Variants in RIMS2 observed in about 807,000 individuals in gnomAD.
RIMS2 encodes the protein regulating synaptic membrane exocytosis 2, also known as regulating synaptic membrane exocytosis protein 2.
In RIMS2, 59 loss-of-function variants were observed where a neutral mutation model predicts 174.4. The observed-to-expected ratio is 0.34, with a 90% CI of 0.27 to 0.42. The LOEUF is 0.42. RIMS2 is among the 10% of genes least tolerant of loss of function. The pLI is 1.00. For missense variants in RIMS2, 1,620 were observed against 1,666.3 expected, an observed-to-expected ratio of 0.97 and a Z score of 0.48; for synonymous variants, 606 against 572.5, an observed-to-expected ratio of 1.06 and a Z score of -0.84.
intron 1 of RIMS2, among the ~76,000 whole-genome samples, chr8:103,581,565 A>G (rs1347182125): frequency 6.6e-6 from 1 of 152,216 alleles, no homozygotes; most frequent in Non-Finnish European, 1.5e-5. Context: ...GATGCGGAAC[A>G]AGACAAGGAT....
intron 3 of RIMS2, among the ~76,000 whole-genome samples, chr8:103,842,375 TATA>T (rs1471745514): frequency 2.6e-5 from 4 of 152,172 alleles, no homozygotes; most frequent in Non-Finnish European, 5.9e-5. Flanking sequence ...CTTTGGGCGT[TATA>T]ATTTTAAATA....
At chr8:103,944,734 C>T (rs568577116) in intron 14 of RIMS2, among the ~76,000 whole-genome samples, 1 of 151,940 alleles carries the variant, frequency 6.6e-6, no homozygotes, top group African/African-American at 2.4e-5. Flanking sequence ...TTAAACTTAC[C>T]CATGGGTAAT....
At chr8:103,842,867 G>T (rs1191265995) in intron 3 of RIMS2, among the ~76,000 whole-genome samples, 3 of 152,232 alleles carry the variant, frequency 2.0e-5, no homozygotes, top group African/African-American at 7.2e-5. Flanking sequence ...AGAAGTCCAA[G>T]ATCAACGTGT....
chr8:103,993,301 A>C (rs1165406434), intron 17 of RIMS2, among the ~76,000 whole-genome samples: 1 of 152,210 alleles, frequency 6.6e-6, no homozygotes, highest in African/African-American at 2.4e-5. Context: ...TTTTAGCATC[A>C]TAAGAATACA....
In RIMS2 at chr8:103,842,795, A is replaced by G. The variant is rs920722143; in HGVS notation, c.699-42503A>G. On this transcript the variant is annotated intron_variant, in intron 3 of 23. Coordinates refer to ENST00000504942, the Ensembl canonical transcript of RIMS2. ...TTAGTTTGCTAGGGCTGCCACAACA[A>G]AGTGTACCATAAACTGGGTGGCTTA... Among the ~76,000 whole-genome samples the G allele has an allele frequency of 1.1e-4, 17 of 152,212 alleles. 1 individual carries two copies. The highest frequency in any genetic ancestry group is 6.5e-5 in the Admixed American group (1 of 15,276).
At chr8:103,739,881 GTTTC>G (rs2097738953) in intron 2 of RIMS2, among the ~76,000 whole-genome samples, 1 of 152,096 alleles carries the variant, frequency 6.6e-6, no homozygotes, top group African/African-American at 2.4e-5. Flanking sequence ...TGGCTAGTCT[GTTTC>G]TTTGTACCAT....
chr8:103,753,865 T>G (rs1430754954), intron 2 of RIMS2, among the ~76,000 whole-genome samples: 1 of 152,190 alleles, frequency 6.6e-6, no homozygotes, highest in African/African-American at 2.4e-5. Context: ...TTTGTCAATC[T>G]TTTAAAAACA....
chr8:103,886,131 C>T (rs2099199399), exon 4 of RIMS2: 2 of 1,612,826 alleles, frequency 1.2e-6, no homozygotes, highest in Admixed American at 1.7e-5. Context: ...CGCCAGATTT[C>T]GTTGAGCAGT....
At chr8:104,119,169 AC>A (rs1399019667) in intron 19 of RIMS2, among the ~76,000 whole-genome samples, 1 of 150,106 alleles carries the variant, frequency 6.7e-6, no homozygotes, top group African/African-American at 2.5e-5. Context: ...AACATGGTAA[AC>A]CCCGTCTCTA....
Position 103,819,523 on chromosome 8 carries a change from T to C in RIMS2, c.698+52986T>C, listed in dbSNP as rs762203960. ...AAGAAAGAAAATGCAATTTGAGACA[T>C]TGCGCCAGGTCTGCAATTCTGTTTT... On this transcript the variant is annotated intron_variant, in intron 3 of 23. Transcript: ENST00000504942. The C allele has an allele frequency of 8.8e-5, 142 of 1,612,914 alleles. 1 individual carries two copies. In the Middle Eastern group the frequency reaches 9.9e-4, roughly 11 times the overall value.
At chr8:104,237,422 T>G (rs1321900612) in intron 19 of RIMS2, among the ~76,000 whole-genome samples, 1 of 152,160 alleles carries the variant, frequency 6.6e-6, no homozygotes, top group Admixed American at 6.6e-5. Flanking sequence ...GAAGGAGACA[T>G]AGTGAGTCAT....
intron 1 of RIMS2, among the ~76,000 whole-genome samples, chr8:103,552,201 A>G (rs1848289307): frequency 1.3e-5 from 2 of 152,214 alleles, no homozygotes; most frequent in Non-Finnish European, 1.5e-5. Flanking sequence ...ACTTCAAACT[A>G]TACTATAAGG....
intron 15 of RIMS2, among the ~76,000 whole-genome samples, chr8:103,970,166 CATTCTAT>C (rs2092702465): frequency 6.6e-6 from 1 of 152,042 alleles, no homozygotes; most frequent in South Asian, 2.1e-4. Context: ...GGAAGGGAAA[CATTCTAT>C]ATTCCTATGA....
chr8:103,959,761 A>G (rs186827888), intron 14 of RIMS2, among the ~76,000 whole-genome samples: 2 of 152,146 alleles, frequency 1.3e-5, no homozygotes, highest in Admixed American at 6.6e-5. Flanking sequence ...TTGCAATTTG[A>G]TAAGCACCCT....
chr8:103,712,309 G>C (rs575008787), intron 2 of RIMS2, among the ~76,000 whole-genome samples: 1 of 151,732 alleles, frequency 6.6e-6, no homozygotes, highest in Non-Finnish European at 1.5e-5. Flanking sequence ...ACCATGCCTG[G>C]CTTAAAACTT....
At chr8:103,892,110 A>G (rs544872579) in intron 4 of RIMS2, among the ~76,000 whole-genome samples, 1 of 152,196 alleles carries the variant, frequency 6.6e-6, no homozygotes, top group South Asian at 2.1e-4. Context: ...CAGACCAATT[A>G]AACATCTAAG....
intron 12 of RIMS2, among the ~76,000 whole-genome samples, chr8:103,932,493 C>A (rs536992400): frequency 6.6e-6 from 1 of 152,090 alleles, no homozygotes; most frequent in African/African-American, 2.4e-5. Flanking sequence ...ATAATTTTAT[C>A]TTATAAAGTT....
At chr8:103,609,094 T>G (rs200491521) in intron 1 of RIMS2, among the ~76,000 whole-genome samples, 2 of 152,196 alleles carry the variant, frequency 1.3e-5, no homozygotes, top group Non-Finnish European at 2.9e-5. Flanking sequence ...ATTTGCGTTT[T>G]TCTAATGATT....
intron 1 of RIMS2, among the ~76,000 whole-genome samples, chr8:103,528,181 A>G (rs1246650832): frequency 1.3e-5 from 2 of 151,594 alleles, no homozygotes; most frequent in Non-Finnish European, 2.9e-5. Flanking sequence ...TGGCTGCACA[A>G]ATGTCTTCTT....
Sources: gnomAD v4.1 joint callset for allele counts (sites outside exome capture counted in the v4.1 genomes callset) on GRCh38, gnomAD v4.1.1 for gene constraint, MANE v1.5 for transcripts, NCBI Gene and HGNC (gene_info 2026-07-23, HGNC 2026-07-21) for gene names.